KREMEN1: variants seen among roughly 807,000 people sequenced by gnomAD.
KREMEN1 encodes the protein kringle containing transmembrane protein 1, also known as kremen protein 1.
KREMEN1 carries 30 observed loss-of-function variants against 46.5 expected under a neutral mutation model. The ratio of observed to expected loss-of-function variants is 0.65; its 90% confidence interval spans 0.48 to 0.88. KREMEN1 has a LOEUF of 0.88. KREMEN1 is among the 40% of genes least tolerant of loss of function. The pLI is 0.00. For missense variants in KREMEN1, 533 were observed against 596.9 expected, an observed-to-expected ratio of 0.89 and a Z score of 1.11; for synonymous variants, 214 against 230.6, an observed-to-expected ratio of 0.93 and a Z score of 0.65.
chr22:29,168,148 A>G (rs1287636116), exon 10 of KREMEN1: 1 of 152,288 alleles, frequency 6.6e-6, no homozygotes, highest in Non-Finnish European at 1.5e-5. Context: ...CAGCCTGGCC[A>G]ACATGGCGAA....
rs1264266998 is a variant in KREMEN1 at position 29,145,782 on chromosome 22, A to G, written c.*3670A>G. On this transcript the variant is annotated 3_prime_UTR_variant, in exon 9 of 9. Transcript: ENST00000400335. The stretch of plus-strand genomic sequence containing the variant: ...GAAACCAGGCTGCTCTAACTTCTGA[A>G]GAGTGGGCTCTGGCTCAAGACTCCA... 2 of 985,416 alleles carry G rather than the reference A, an allele frequency of 2.0e-6. No homozygotes were observed. Among genetic ancestry groups the G allele is most frequent in the African/African-American group, 3.5e-5 (2 of 57,242 alleles). 61.0% of individuals were successfully genotyped at this position (985,416 alleles called of 1,614,324 possible).
chr22:29,149,403 C>T (rs1424628529), downstream of KREMEN1, among the ~76,000 whole-genome samples: 1 of 152,104 alleles, frequency 6.6e-6, no homozygotes, highest in East Asian at 1.9e-4. Context: ...CCTGATGATC[C>T]GCCCACCTTG....
intron 2 of KREMEN1, among the ~76,000 whole-genome samples, chr22:29,095,409 G>A (rs1368370808): frequency 6.6e-6 from 1 of 152,224 alleles, no homozygotes; most frequent in Non-Finnish European, 1.5e-5. Context: ...TCACTGGTAT[G>A]TAGGGTCCAG....
chr22:29,144,481 A>C lies in KREMEN1; in HGVS notation c.*2369A>C. ...TGCTCGGTGCAGCCTTCATGCTTTG[A>C]TCTGGAAAGAGCAGCTGTCCGCAGG... On this transcript the variant is annotated 3_prime_UTR_variant, in exon 9 of 9. Transcript: ENST00000400335. 1.0e-6 allele frequency: 1 copy of C among 985,432 alleles called. No homozygotes were observed. Among genetic ancestry groups the C allele is most frequent in the Non-Finnish European group, 1.2e-6 (1 of 829,956 alleles). 61.0% of individuals were successfully genotyped at this position (985,432 alleles called of 1,614,324 possible). A position where few individuals can be genotyped will look rare whatever the true frequency, so the allele number is the denominator to read the frequency against.
intron 2 of KREMEN1, among the ~76,000 whole-genome samples, chr22:29,097,336 A>G (rs1474792887): frequency 1.3e-5 from 2 of 152,220 alleles, no homozygotes; most frequent in Admixed American, 6.5e-5. Context: ...TTGTTATGCC[A>G]CCTATGAGTT....
chr22:29,112,069 C>T (rs2038162145), intron 3 of KREMEN1, among the ~76,000 whole-genome samples: 1 of 152,180 alleles, frequency 6.6e-6, no homozygotes, highest in African/African-American at 2.4e-5. Flanking sequence ...GTGGCCACTT[C>T]ATCTCCCTTC....
At position 29,138,720 on chromosome 22, in the gene KREMEN1, G is replaced by C; in HGVS notation, c.1061G>C (p.Arg354Pro). 2 of 1,614,162 alleles carry C rather than the reference G, an allele frequency of 1.2e-6. No homozygotes were observed. Among genetic ancestry groups the C allele is most frequent in the Non-Finnish European group, 1.7e-6 (2 of 1,180,030 alleles). ...GCCAACCTCAGTGTCAGCGCTGCCC[G>C]GTCCTCCAAAGTCCTCTATGTCATC... ...EQANLSVSAA[R>P]SSKVLYVITT... The change falls in exon 7 of 9, where the codon CGG (arginine) becomes CCG (proline). Residue 354 changes from arginine to proline, a missense_variant. Physicochemically the swap from Arg to Pro is moderately radical, Grantham distance 103. Transcript: ENST00000400335.
intron 8 of KREMEN1, 151 bp downstream of exon 8, chr22:29,140,517 CCTT>C (rs1695517588): frequency 3.2e-6 from 2 of 627,108 alleles, no homozygotes; most frequent in South Asian, 3.8e-5. Flanking sequence ...AGACATTCCC[CCTT>C]CTTTGTAGAG....
At position 29,092,889 on chromosome 22, in the gene KREMEN1, C is replaced by T. The variant is rs140385237; in HGVS notation, c.98-1369C>T. ...ACTAGGGAGGCCGAGGCAGGAGAAT[C>T]GCTTGAACCTGGGAGGCGGAGGTTG... On this transcript the variant is annotated intron_variant, in intron 1 of 8. Coordinates refer to ENST00000400335, the MANE Select transcript of KREMEN1 (RefSeq NM_001039570.3). Among the ~76,000 whole-genome samples the T allele has an allele frequency of 1.1e-3, 161 of 152,202 alleles. 2 individuals are homozygous for T. The highest frequency in any genetic ancestry group is 6.6e-3 in the East Asian group (34 of 5,182).
In KREMEN1 at chr22:29,140,195, G is replaced by C; in HGVS notation, c.1124-87G>C. 3 of 998,088 alleles carry C rather than the reference G, an allele frequency of 3.0e-6. No homozygotes were observed. The South Asian group carries it at 4.0e-5, about 13-fold the overall frequency. 61.8% of individuals were successfully genotyped at this position (998,088 alleles called of 1,614,324 possible). A position where few individuals can be genotyped will look rare whatever the true frequency, so the allele number is the denominator to read the frequency against. On this transcript the variant is annotated intron_variant, in intron 7 of 8. Coordinates refer to ENST00000400335, the MANE Select transcript of KREMEN1 (RefSeq NM_001039570.3). ...CGGCCTGCAGGGAGCCCCTCAGCCAGACTTACTCACTTGGGTATTCCAGCC... is the reference window on the plus strand; with the variant it reads ...CGGCCTGCAGGGAGCCCCTCAGCCACACTTACTCACTTGGGTATTCCAGCC...
intron 5 of KREMEN1, among the ~76,000 whole-genome samples, chr22:29,130,168 T>G (rs185678966): frequency 1.3e-5 from 2 of 152,366 alleles, no homozygotes; most frequent in East Asian, 3.9e-4. Context: ...GGTACTGTTA[T>G]GCTTATTTTA....
Position 29,122,184 on chromosome 22 carries a change from T to C in KREMEN1, c.477+703T>C, listed in dbSNP as rs576652125. Among the ~76,000 whole-genome samples the C allele has an allele frequency of 7.8e-4, 119 of 152,162 alleles. 1 individual carries two copies. The highest frequency in any genetic ancestry group is 1.5e-3 in the Non-Finnish European group (104 of 67,988). On this transcript the variant is annotated intron_variant, in intron 4 of 8. Transcript: ENST00000400335. Reference sequence around the variant, plus strand: ...AGACATTTTATCCCCCAAAAATACATAGATGGCCAATAAACACATGAAAAG... The same window carrying C: ...AGACATTTTATCCCCCAAAAATACACAGATGGCCAATAAACACATGAAAAG...
chr22:29,133,443 G>C (rs2038600250), intron 5 of KREMEN1, among the ~76,000 whole-genome samples: 1 of 151,862 alleles, frequency 6.6e-6, no homozygotes, highest in Admixed American at 6.6e-5. Flanking sequence ...TGGGATTATG[G>C]GCATGTGCCA....
Position 29,138,669 on chromosome 22 carries a change from C to T in KREMEN1, c.1010C>T (p.Thr337Met), listed in dbSNP as rs767616620. The T allele has an allele frequency of 5.5e-5, 89 of 1,614,236 alleles. No homozygotes were observed. Among genetic ancestry groups the T allele is most frequent in the Middle Eastern group, 1.6e-4 (1 of 6,062 alleles). The change falls in exon 7 of 9, where the codon ACG (threonine) becomes ATG (methionine). Residue 337 changes from threonine (T) to methionine (M), a missense_variant. By Grantham distance (81) the Thr-to-Met change is moderately conservative. Transcript: ENST00000400335. ...LPQERPAVNQ[T>M]VAEVITEQAN... is the part of the protein sequence containing the mutation. ...CAGGAGAGGCCCGCTGTCAACCAGA[C>T]GGTGGCCGAGGTGATCACGGAGCAG... is the stretch of plus-strand genomic sequence containing the variant.
At chr22:29,134,726 A>G (rs73393058) in intron 5 of KREMEN1, among the ~76,000 whole-genome samples, 8,094 of 152,110 alleles carry the variant, frequency 0.053, 757 homozygotes, top group African/African-American at 0.19. Context: ...GGTTGTTTCT[A>G]TCACTACCCT....
At chr22:29,114,179 T>C (rs539846370) in intron 3 of KREMEN1, among the ~76,000 whole-genome samples, 2 of 152,104 alleles carry the variant, frequency 1.3e-5, no homozygotes, top group Admixed American at 1.3e-4. Flanking sequence ...ATGGGATTAG[T>C]GTCCCCATAA....
chr22:29,139,194 G>A (rs1158543095), intron 7 of KREMEN1, among the ~76,000 whole-genome samples: 6 of 152,164 alleles, frequency 3.9e-5, no homozygotes, highest in Non-Finnish European at 8.8e-5. Flanking sequence ...CACTGTTCTA[G>A]GTACTGGATT....
chr22:29,098,787 C>G (rs2037925758), intron 2 of KREMEN1, 75 bp from the exon 3 acceptor site: 2 of 1,116,078 alleles, frequency 1.8e-6, no homozygotes, highest in Non-Finnish European at 2.7e-6. Flanking sequence ...ATTTCCTTTT[C>G]TGTAAAACTG....
chr22:29,153,245 G>A (rs963201704), intron 9 of KREMEN1, among the ~76,000 whole-genome samples: 3 of 152,206 alleles, frequency 2.0e-5, no homozygotes, highest in Non-Finnish European at 4.4e-5. Flanking sequence ...TATCAGCGGG[G>A]TCTTTGTGAC....
Sources: allele counts gnomAD v4.1 joint callset (sites outside exome capture counted in the v4.1 genomes callset), GRCh38; gene constraint gnomAD v4.1.1; transcripts MANE v1.5; gene names NCBI Gene and HGNC (gene_info 2026-07-23, HGNC 2026-07-21).